Variants in TTC22 observed in about 807,000 individuals in gnomAD.
TTC22 encodes the protein tetratricopeptide repeat protein 22.
Under a neutral mutation model 48.2 loss-of-function variants are expected in TTC22, and 42 were observed. The ratio of observed to expected loss-of-function variants is 0.87; its 90% CI spans 0.68 to 1.13. TTC22 has a LOEUF of 1.13. TTC22 is among the 50% of genes most tolerant of loss of function. The pLI, the probability that TTC22 is intolerant of heterozygous loss-of-function variation, is 0.00. For synonymous variants in TTC22, 345 were observed against 365.5 expected, an observed-to-expected ratio of 0.94 and a Z score of 0.64; for missense variants, 784 against 807.0, an observed-to-expected ratio of 0.97 and a Z score of 0.34.
rs933460291 is a variant in TTC22 at position 54,781,617 on chromosome 1, C to G, written c.1336G>C (p.Gly446Arg). 2 of 1,529,436 alleles carry G rather than the reference C, an allele frequency of 1.3e-6. No homozygotes were observed. The highest frequency in any genetic ancestry group is 4.0e-5 in the Admixed American group (2 of 50,628). 94.7% of individuals were successfully genotyped at this position (1,529,436 alleles called of 1,614,324 possible). Reference sequence around the variant, plus strand: ...CAGGCGGCCGCGTTGGCGTCCTCGCCCTTGATGCGCAGGCACTTGCCGCGC... The same window carrying G: ...CAGGCGGCCGCGTTGGCGTCCTCGCGCTTGATGCGCAGGCACTTGCCGCGC... ...LLRGKCLRIK[G>R]EDANAAACFK... The change falls in exon 7 of 7, where the codon GGC becomes CGC. Residue 446 changes from glycine (G) to arginine (R), a missense_variant. Transcript: ENST00000371276.
chr1:54,787,083 T>C lies in TTC22; in HGVS notation c.740-8A>G. 2 of 1,454,844 alleles carry C rather than the reference T, an allele frequency of 1.4e-6. No homozygotes were observed. The highest frequency in any genetic ancestry group is 1.8e-6 in the Non-Finnish European group (2 of 1,086,108). The allele number at this position is 1,454,844 out of a possible 1,614,324, so 90.1% of individuals were successfully genotyped here. A position where few individuals can be genotyped will look rare whatever the true frequency, so the allele number is the denominator to read the frequency against. Reference sequence around the variant, plus strand: ...GGTAGCACCAGGCCAGGGCTGGGGGTGAAGGGTGGGAGAGGGTCTCTAGGA... The same window carrying C: ...GGTAGCACCAGGCCAGGGCTGGGGGCGAAGGGTGGGAGAGGGTCTCTAGGA... On this transcript the variant is annotated splice_region_variant and splice_polypyrimidine_tract_variant and intron_variant, in intron 3 of 6. Transcript: ENST00000371276.
chr1:54,784,827 A>G (rs994880556), intron 5 of TTC22: 1 of 1,299,060 alleles, frequency 7.7e-7, no homozygotes, highest in Non-Finnish European at 1.0e-6. Context: ...CCTCAAGCAC[A>G]TGGGCTCTGT....
rs546888034 is a variant in TTC22 at position 54,792,558 on chromosome 1, C to T, written c.568-4461G>A. On this transcript the variant is annotated intron_variant, in intron 1 of 6. Coordinates refer to ENST00000371276, the MANE Select transcript of TTC22 (RefSeq NM_001114108.2). The stretch of plus-strand genomic sequence containing the variant: ...AAGCAATTCTCCTGCCTCAGCCTCC[C>T]GAGTAGCTGGGATTACAGGCATGTG... Among the ~76,000 whole-genome samples, 9 of 152,284 alleles carry T rather than the reference C, an allele frequency of 5.9e-5. 1 individual carries two copies. Among genetic ancestry groups the T allele is most frequent in the African/African-American group, 1.9e-4 (8 of 41,552 alleles).
intron 5 of TTC22, chr1:54,785,610 G>A: frequency 2.3e-6 from 1 of 442,678 alleles, no homozygotes; most frequent in Non-Finnish European, 4.5e-6. Context: ...CCAGGAGTTT[G>A]AGACGAGTCT....
chr1:54,796,321 C>T (rs944606437), intron 1 of TTC22, among the ~76,000 whole-genome samples: 1 of 152,264 alleles, frequency 6.6e-6, no homozygotes, highest in Non-Finnish European at 1.5e-5. Flanking sequence ...AATGCCCACA[C>T]CTTTGTTTGT....
rs768367570 is a variant in TTC22, at chr1:54,781,482, C to G, written c.1471G>C (p.Gly491Arg). ...AQWSQAQLSDGELGREVDAWL... is the reference protein window; with the variant it reads ...AQWSQAQLSDRELGREVDAWL... ...GCGTCCACCTCGCGGCCCAGCTCCC[C>G]GTCGCTCAGCTGTGCCTGGCTCCAC... The change falls in exon 7 of 7, where the codon GGG becomes CGG. Residue 491 changes from glycine (G) to arginine (R), a missense_variant. Gly to Arg is a moderately radical substitution (Grantham distance 125). Coordinates refer to ENST00000371276, the MANE Select transcript of TTC22 (RefSeq NM_001114108.2). The G allele has an allele frequency of 9.3e-5, 137 of 1,475,530 alleles. No individual in the cohort carries two copies. Among genetic ancestry groups the G allele is most frequent in the Non-Finnish European group, 1.2e-4 (135 of 1,122,704 alleles). 91.4% of individuals were successfully genotyped at this position (1,475,530 alleles called of 1,614,324 possible). A position where few individuals can be genotyped will look rare whatever the true frequency, so the allele number is the denominator to read the frequency against.
Position 54,780,585 on chromosome 1 carries a change from A to G in TTC22, c.*658T>C, listed in dbSNP as rs548036511. 1 of 151,656 alleles carries G rather than the reference A, an allele frequency of 6.6e-6. No homozygotes were observed. The highest frequency in any genetic ancestry group is 2.1e-4 in the South Asian group (1 of 4,792). 9.4% of individuals were successfully genotyped at this position (151,656 alleles called of 1,614,324 possible). On this transcript the variant is annotated 3_prime_UTR_variant, in exon 7 of 7. Transcript: ENST00000371276. The stretch of plus-strand genomic sequence containing the variant: ...AAGAGGGAAATCAAGTGAAGGTTCT[A>G]TTGATGAGCTCTATTTCAGAGCATT...
In TTC22 at chr1:54,800,687, G is replaced by GAAGCC. The variant is rs757971403; in HGVS notation, c.472_476dup (p.Phe159LeufsTer28). 14 of 1,548,904 alleles carry GAAGCC rather than the reference G, an allele frequency of 9.0e-6. No homozygotes were observed. The highest frequency in any genetic ancestry group is 8.6e-7 in the Non-Finnish European group (1 of 1,156,118). ...CCTCTGGGCTGGCGCAGCCGACGTC[G>GAAGCC]AAGCCATGCGCGTAGCCCTGCTCGG... is the stretch of plus-strand genomic sequence containing the variant. On this transcript the variant is annotated frameshift_variant, in exon 1 of 7. Coordinates refer to ENST00000371276, the MANE Select transcript of TTC22 (RefSeq NM_001114108.2). LOFTEE classifies it high-confidence loss of function.
In TTC22 at chr1:54,800,793, G is replaced by C. The variant is rs778833006; in HGVS notation, c.371C>G (p.Ala124Gly). ...CAGGCCCATGAGGTCGGCCAGCCGT[G>C]CGGCGCACGCCTCCTCCTCTTCTTC... Reference protein sequence around the residue: ...GQEEEEEACAARLADLMGLAE... With the variant: ...GQEEEEEACAGRLADLMGLAE... Residue 124 changes from alanine to glycine, a missense_variant, in exon 1 of 7, where the codon GCA becomes GGA. Transcript: ENST00000371276. 1.3e-6 allele frequency: 2 copies of C among 1,570,756 alleles called. No individual in the cohort carries two copies. The highest frequency in any genetic ancestry group is 2.3e-5 in the South Asian group (2 of 86,008).
chr1:54,784,892 A>G (rs912735515), intron 5 of TTC22: 1 of 966,916 alleles, frequency 1.0e-6, no homozygotes, highest in African/African-American at 1.7e-5. Flanking sequence ...AGGAGGCAGA[A>G]CTCACCTAAG....
Position 54,801,194 on chromosome 1 carries a change from C to G in TTC22, c.-31G>C. 1 of 1,600,484 alleles carries G rather than the reference C, an allele frequency of 6.2e-7. No homozygotes were observed. The highest frequency in any genetic ancestry group is 8.5e-7 in the Non-Finnish European group (1 of 1,170,702). On this transcript the variant is annotated 5_prime_UTR_variant, in exon 1 of 7. Coordinates refer to ENST00000371276, the MANE Select transcript of TTC22 (RefSeq NM_001114108.2). Reference sequence around the variant, plus strand: ...CTCCCTCTGCTCCCCTGGCCTCACCCTTGTCCCTGAGGCTGTGGAGGGCAG... The same window carrying G: ...CTCCCTCTGCTCCCCTGGCCTCACCGTTGTCCCTGAGGCTGTGGAGGGCAG...
At chr1:54,792,633 AT>A (rs1433044528) in intron 1 of TTC22, among the ~76,000 whole-genome samples, 1 of 152,138 alleles carries the variant, frequency 6.6e-6, no homozygotes, top group Non-Finnish European at 1.5e-5. Context: ...GGGTTTCTCC[AT>A]GTTGGTCAGG....
At position 54,801,134 on chromosome 1, in the gene TTC22, A is replaced by G. The variant is rs1277584886; in HGVS notation, c.30T>C (p.Asp10=). 1 of 1,611,064 alleles carries G rather than the reference A, an allele frequency of 6.2e-7. No individual in the cohort carries two copies. Among genetic ancestry groups the G allele is most frequent in the African/African-American group, 1.3e-5 (1 of 74,994 alleles). Residue 10 remains aspartate, a synonymous_variant, in exon 1 of 7, where the codon GAT becomes GAC. Transcript: ENST00000371276. ...CCAGGTCGTCGATGAGGGCGTCTAG[A>G]TCGTCGGCCACAGCCTCCAGCTCCG... is the stretch of plus-strand genomic sequence containing the variant. The part of the protein sequence containing the change: MAELEAVAD[D]LDALIDDLDY...
At position 54,781,053 on chromosome 1, in the gene TTC22, C is replaced by T; in HGVS notation, c.*190G>A. The T allele has an allele frequency of 2.4e-6, 1 of 419,632 alleles. No individual in the cohort carries two copies. Among genetic ancestry groups the T allele is most frequent in the East Asian group, 3.7e-5 (1 of 26,686 alleles). The allele number at this position is 419,632 out of a possible 1,614,324, so 26.0% of individuals were successfully genotyped here. On this transcript the variant is annotated 3_prime_UTR_variant, in exon 7 of 7. Transcript: ENST00000371276. ...CCTCTTCTGCTCTCGGGAATCAGGC[C>T]TTCCAGTCTGGGTGGGCGTTTCAAA...
chr1:54,785,914 G>A lies in TTC22; in HGVS notation c.1020+69C>T, dbSNP rs1033919443. On this transcript the variant is annotated intron_variant, in intron 5 of 6. Coordinates refer to ENST00000371276, the MANE Select transcript of TTC22 (RefSeq NM_001114108.2). Reference sequence around the variant, plus strand: ...CTGACCCTTGGGCCCTGGCAACAGGGTCTTGGCCTCTGGCCCTTGTTCTCT... The same window carrying A: ...CTGACCCTTGGGCCCTGGCAACAGGATCTTGGCCTCTGGCCCTTGTTCTCT... 4.7e-6 allele frequency: 7 copies of A among 1,505,232 alleles called. No individual in the cohort carries two copies. In the Middle Eastern group the frequency reaches 1.2e-3, roughly 256 times the overall value. The allele number at this position is 1,505,232 out of a possible 1,614,324, so 93.2% of individuals were successfully genotyped here. A position where few individuals can be genotyped will look rare whatever the true frequency, so the allele number is the denominator to read the frequency against.
In TTC22 at chr1:54,781,072, T is replaced by G; in HGVS notation, c.*171A>C. Reference sequence around the variant, plus strand: ...TCAGGCCTTCCAGTCTGGGTGGGCGTTTCAAACCGCGCGGGTGTCGCAACA... The same window carrying G: ...TCAGGCCTTCCAGTCTGGGTGGGCGGTTCAAACCGCGCGGGTGTCGCAACA... On this transcript the variant is annotated 3_prime_UTR_variant, in exon 7 of 7. Transcript: ENST00000371276. 2.2e-6 allele frequency: 1 copy of G among 457,418 alleles called. No homozygotes were observed. Among genetic ancestry groups the G allele is most frequent in the Non-Finnish European group, 3.7e-6 (1 of 270,918 alleles). 28.3% of individuals were successfully genotyped at this position (457,418 alleles called of 1,614,324 possible).
rs770375788 is a variant in TTC22 at position 54,787,040 on chromosome 1, G to A, written c.775C>T (p.Arg259Trp). ...GGGGTGGTGGAGAAGGTGTCCTTCC[G>A]CTCCAGCAGCATCCCGAGGTAGCAC... is the stretch of plus-strand genomic sequence containing the variant. ...AWCYLGMLLE[R>W]KDTFSTTPMG... The change falls in exon 4 of 7, where the codon CGG becomes TGG. Residue 259 changes from arginine to tryptophan, a missense_variant. Physicochemically the swap from Arg to Trp is moderately radical, Grantham distance 101. Coordinates refer to ENST00000371276, the MANE Select transcript of TTC22 (RefSeq NM_001114108.2). The A allele has an allele frequency of 2.4e-5, 37 of 1,548,572 alleles. 1 individual carries two copies. Among genetic ancestry groups the A allele is most frequent in the Middle Eastern group, 3.5e-4 (2 of 5,640 alleles).
Position 54,781,723 on chromosome 1 carries a change from C to T in TTC22, c.1230G>A (p.Ala410=). 6.6e-7 allele frequency: 1 copy of T among 1,516,170 alleles called. No individual in the cohort carries two copies. 93.9% of individuals were successfully genotyped at this position (1,516,170 alleles called of 1,614,324 possible). A position where few individuals can be genotyped will look rare whatever the true frequency, so the allele number is the denominator to read the frequency against. ...GGAACACCAGCGCCTGGTTCAGCGC[C>T]GCCTCGTCCACCGCCAGCAGCTCCT... ...AVQELLAVDE[A]ALNQALVFLA... is the part of the protein sequence containing the mutation. Residue 410 remains alanine, a synonymous_variant, in exon 7 of 7, where the codon GCG becomes GCA. Transcript: ENST00000371276.
chr1:54,787,407 T>G (rs1646312766), intron 3 of TTC22: 3 of 562,446 alleles, frequency 5.3e-6, no homozygotes, highest in Non-Finnish European at 9.5e-6. Context: ...ATGACTCGAC[T>G]CCTCTCCAAC....
Sources: allele counts gnomAD v4.1 joint callset (sites outside exome capture counted in the v4.1 genomes callset), GRCh38; gene constraint gnomAD v4.1.1; transcripts MANE v1.5; gene names NCBI Gene and HGNC (gene_info 2026-07-23, HGNC 2026-07-21).